SEMA6D: variants seen among roughly 807,000 people sequenced by gnomAD.
SEMA6D encodes the protein semaphorin-6D.
Under a neutral mutation model 106.6 loss-of-function variants are expected in SEMA6D, and 35 were observed. The ratio of observed to expected loss-of-function variants is 0.33; its 90% CI spans 0.25 to 0.44. SEMA6D has a LOEUF of 0.44. Among genes scored for constraint, SEMA6D ranks in the 20% least tolerant of loss-of-function variants. The pLI is 1.00. For missense variants in SEMA6D, 1,185 were observed against 1,345.9 expected (o/e 0.88, Z 1.87); for synonymous variants, 499 against 487.7 (o/e 1.02, Z -0.31).
At chr15:47,571,909 TC>T (rs1422757843) in intron 3 of SEMA6D, among the ~76,000 whole-genome samples, 1 of 152,218 alleles carries the variant, frequency 6.6e-6, no homozygotes, top group Non-Finnish European at 1.5e-5. Flanking sequence ...GATGATTTTT[TC>T]TTCTGGCAAA....
At chr15:47,463,964 C>T (rs573526775) in intron 2 of SEMA6D, among the ~76,000 whole-genome samples, 44 of 152,234 alleles carry the variant, frequency 2.9e-4, no homozygotes, top group African/African-American at 8.4e-4. Context: ...TTTATCTGTC[C>T]CCCAGACTCC....
chr15:47,539,022 T>C (rs150747329), intron 3 of SEMA6D, among the ~76,000 whole-genome samples: 8 of 152,292 alleles, frequency 5.3e-5, no homozygotes, highest in Non-Finnish European at 1.0e-4. Flanking sequence ...CCTCTTCTTA[T>C]TGAGAATGTT....
chr15:47,494,741 G>GATAGATAGATATAT (rs1197901780), intron 3 of SEMA6D, among the ~76,000 whole-genome samples: 2 of 32,986 alleles, frequency 6.1e-5, no homozygotes, highest in African/African-American at 1.3e-4. Context: ...GTGGGATGGA[G>GATAGATAGATATAT]ATATATATAT....
chr15:47,732,389 T>C (rs2080180954), intron 1 of SEMA6D, among the ~76,000 whole-genome samples: 1 of 152,178 alleles, frequency 6.6e-6, no homozygotes, highest in African/African-American at 2.4e-5. Context: ...GACTGGTACA[T>C]TCAAGGTGAG....
intron 1 of SEMA6D, among the ~76,000 whole-genome samples, chr15:47,359,080 C>T (rs951300887): frequency 3.9e-5 from 6 of 151,922 alleles, no homozygotes; most frequent in African/African-American, 1.5e-4. Context: ...CAGGTATTCC[C>T]GCACAGGACT....
At chr15:47,265,682 C>G (rs1038713357) in intron 1 of SEMA6D, among the ~76,000 whole-genome samples, 1 of 151,842 alleles carries the variant, frequency 6.6e-6, no homozygotes, top group East Asian at 1.9e-4. Context: ...TTGCATGCCT[C>G]TCAATTTTTT....
intron 3 of SEMA6D, among the ~76,000 whole-genome samples, chr15:47,577,719 C>T (rs547884939): frequency 1.3e-5 from 2 of 152,168 alleles, no homozygotes; most frequent in African/African-American, 2.4e-5. Context: ...GCTTTCCCTC[C>T]CTTACCATTA....
intron 1 of SEMA6D, among the ~76,000 whole-genome samples, chr15:47,313,170 T>C (rs2036513907): frequency 1.3e-5 from 2 of 152,246 alleles, no homozygotes; most frequent in South Asian, 4.1e-4. Context: ...TTCTCTGTGC[T>C]ACCGTACATT....
At chr15:47,197,138 A>G (rs1461651600) in intron 1 of SEMA6D, among the ~76,000 whole-genome samples, 1 of 152,130 alleles carries the variant, frequency 6.6e-6, no homozygotes, top group Non-Finnish European at 1.5e-5. Context: ...CTGTGGATTC[A>G]TTAATATCAC....
intron 2 of SEMA6D, among the ~76,000 whole-genome samples, chr15:47,468,064 T>G (rs939517283): frequency 1.3e-5 from 2 of 152,154 alleles, no homozygotes; most frequent in Admixed American, 1.3e-4. Context: ...CCACTGATTG[T>G]CACTTATTGC....
chr15:47,529,869 C>A (rs1263647521), intron 3 of SEMA6D, among the ~76,000 whole-genome samples: 1 of 152,122 alleles, frequency 6.6e-6, no homozygotes, highest in Non-Finnish European at 1.5e-5. Context: ...CCATTTGCTG[C>A]CAGTTTGAAA....
In SEMA6D at chr15:47,593,917, A is replaced by C. The variant is rs1596387621; in HGVS notation, c.-86-6948A>C. On this transcript the variant is annotated intron_variant, in intron 3 of 19. Transcript: ENST00000558014. ...CCAAGGGGATGGTGCTAAACCATTC[A>C]TGAAGGATCCACCCTCATGAGCTAG... is the stretch of plus-strand genomic sequence containing the variant. Among the ~76,000 whole-genome samples, 4 of 152,204 alleles carry C rather than the reference A, an allele frequency of 2.6e-5. No individual in the cohort carries two copies. In the East Asian group the frequency reaches 7.7e-4, roughly 29 times the overall value.
chr15:47,573,536 A>G (rs1304932900), intron 3 of SEMA6D, among the ~76,000 whole-genome samples: 8 of 152,218 alleles, frequency 5.3e-5, no homozygotes, highest in South Asian at 2.1e-4. Context: ...AAATCATCCC[A>G]TTTTGTTCAT....
At chr15:47,482,132 A>G (rs2043170487) in intron 3 of SEMA6D, among the ~76,000 whole-genome samples, 1 of 152,178 alleles carries the variant, frequency 6.6e-6, no homozygotes, top group Non-Finnish European at 1.5e-5. Context: ...AAGGTCAGTA[A>G]TTGATCTCTC....
chr15:47,526,234 A>T (rs768183997), intron 3 of SEMA6D, among the ~76,000 whole-genome samples: 72 of 152,126 alleles, frequency 4.7e-4, no homozygotes, highest in Non-Finnish European at 8.5e-4. Context: ...TTCATTCTGA[A>T]TGGCTAAGGC....
At chr15:47,191,875 G>T (rs1016850364) in intron 1 of SEMA6D, among the ~76,000 whole-genome samples, 6 of 152,114 alleles carry the variant, frequency 3.9e-5, no homozygotes, top group African/African-American at 1.4e-4. Flanking sequence ...TGGAGAGAAG[G>T]CAGAAAAGTG....
At chr15:47,557,115 A>T (rs2045937701) in intron 3 of SEMA6D, among the ~76,000 whole-genome samples, 1 of 152,154 alleles carries the variant, frequency 6.6e-6, no homozygotes, top group Non-Finnish European at 1.5e-5. Context: ...ACCCTCGGAG[A>T]CTACAGGAGG....
chr15:47,754,906 C>A (rs180721087), intron 1 of SEMA6D, among the ~76,000 whole-genome samples: 65 of 151,874 alleles, frequency 4.3e-4, no homozygotes, highest in Non-Finnish European at 1.5e-5. Flanking sequence ...TGTTGCTAAA[C>A]ACATCTATTA....
chr15:47,538,425 G>C (rs1360449167), intron 3 of SEMA6D, among the ~76,000 whole-genome samples: 1 of 152,174 alleles, frequency 6.6e-6, no homozygotes, highest in Admixed American at 6.6e-5. Flanking sequence ...CAGACAAGTT[G>C]AGGTCTGGAA....
Sources: allele counts gnomAD v4.1 joint callset (sites outside exome capture counted in the v4.1 genomes callset), GRCh38; gene constraint gnomAD v4.1.1; transcripts MANE v1.5; gene names NCBI Gene and HGNC (gene_info 2026-07-23, HGNC 2026-07-21).